The following BRD9 variants were observed in gnomAD, a reference collection of about 807,000 sequenced individuals.
BRD9 encodes bromodomain containing 9.
A neutral mutation model predicts 68.7 loss-of-function variants in BRD9; 47 were observed. The observed-to-expected ratio is 0.68, with a 90% CI of 0.54 to 0.87. The LOEUF is 0.87. Among genes scored for constraint, BRD9 ranks in the 40% least tolerant of loss-of-function variants. The probability of loss-of-function intolerance (pLI) is 0.00; values close to 1 mark genes in which losing one functional copy is unlikely to be tolerated. For missense variants in BRD9, 670 were observed against 748.4 expected, an observed-to-expected ratio of 0.90 and a Z score of 1.22; for synonymous variants, 313 against 293.9, an observed-to-expected ratio of 1.06 and a Z score of -0.67.
At chr5:865,606 C>A (rs778388859) in intron 14 of BRD9, 25 bp from the exon 15 acceptor site, 9 of 1,565,600 alleles carry the variant, frequency 5.7e-6, no homozygotes, top group Non-Finnish European at 7.8e-6. Flanking sequence ...CATGACCCCA[C>A]GTCGGCTGAG....
At chr5:892,409 G>C (rs1461517801) in intron 1 of BRD9, 197 bp downstream of exon 1, 6 of 1,262,824 alleles carry the variant, frequency 4.8e-6, no homozygotes, top group Non-Finnish European at 6.2e-6. Context: ...TACCAGGAAC[G>C]TAAGCGCCTA....
At chr5:890,065 G>T (rs1753131931) in intron 3 of BRD9, 3 of 341,682 alleles carry the variant, frequency 8.8e-6, no homozygotes, top group Non-Finnish European at 1.7e-5. Context: ...GCGTGGTGGT[G>T]CGTGCCTGTA....
intron 12 of BRD9, among the ~76,000 whole-genome samples, chr5:875,349 C>CTT (rs749144309): frequency 1.4e-4 from 19 of 140,080 alleles, no homozygotes; most frequent in Admixed American, 1.4e-4. Flanking sequence ...ACTTCAGACG[C>CTT]TTTTTTTTTT....
At position 889,061 on chromosome 5, in the gene BRD9, T is replaced by C. The variant is rs369656674; in HGVS notation, c.566A>G (p.Lys189Arg). The change falls in exon 5 of 16, where the codon AAA (lysine) becomes AGA (arginine). Residue 189 changes from lysine (K) to arginine (R), a missense_variant. Coordinates refer to ENST00000467963, the MANE Select transcript of BRD9 (RefSeq NM_023924.5). ...TGACTTGTATTCATTAGCTACAATT[T>C]TGTCTTTCATGGTGCCAAAATCCAT... Reference protein sequence around the residue: ...HPMDFGTMKDKIVANEYKSVT... With the variant: ...HPMDFGTMKDRIVANEYKSVT... The C allele has an allele frequency of 1.9e-6, 3 of 1,610,224 alleles. No individual in the cohort carries two copies. The highest frequency in any genetic ancestry group is 2.7e-5 in the African/African-American group (2 of 74,832).
chr5:886,372 G>A (rs1233175770), intron 7 of BRD9, among the ~76,000 whole-genome samples: 1 of 152,192 alleles, frequency 6.6e-6, no homozygotes, highest in Non-Finnish European at 1.5e-5. Context: ...GGGGTGATCG[G>A]ACGGGCTTGG....
At chr5:884,324 A>C (rs10072022) in intron 7 of BRD9, among the ~76,000 whole-genome samples, 11,418 of 152,300 alleles carry the variant, frequency 0.075, 610 homozygotes, top group African/African-American at 0.15. Flanking sequence ...ACGCAGTGCA[A>C]ACTCAGTTAA....
intron 5 of BRD9, chr5:888,388 T>A (rs901024707): frequency 6.6e-6 from 1 of 152,362 alleles, no homozygotes; most frequent in African/African-American, 2.4e-5. Flanking sequence ...TTCTGTTGTG[T>A]TTCTGTGAGT....
chr5:865,203 C>T (rs1005545355), intron 15 of BRD9, among the ~76,000 whole-genome samples: 2 of 152,254 alleles, frequency 1.3e-5, no homozygotes, highest in African/African-American at 2.4e-5. Flanking sequence ...TGTAACCCAG[C>T]GTGCGGCCAG....
rs527422337 is a variant in BRD9, at chr5:891,081, G to C, written c.400+74C>G. The stretch of plus-strand genomic sequence containing the variant: ...TCCCATGCTTCTCCCCAAAGCAACA[G>C]GACACGGTGCCGACCCCTCATTTAC... On this transcript the variant is annotated intron_variant, in intron 3 of 15. Transcript: ENST00000467963. 6 of 1,464,270 alleles carry C rather than the reference G, an allele frequency of 4.1e-6. No homozygotes were observed. In the African/African-American group the frequency reaches 8.5e-5, roughly 21 times the overall value. The allele number at this position is 1,464,270 out of a possible 1,614,324, so 90.7% of individuals were successfully genotyped here. A position where few individuals can be genotyped will look rare whatever the true frequency, so the allele number is the denominator to read the frequency against.
rs1752722287 is a variant in BRD9, at chr5:887,346, C to T, written c.717+15G>A. 1.3e-6 allele frequency: 2 copies of T among 1,596,208 alleles called. No homozygotes were observed. Among genetic ancestry groups the T allele is most frequent in the African/African-American group, 2.7e-5 (2 of 74,502 alleles). ...CCTGCTTTCCGTAGCTCGCTGCTGC[C>T]AGTGAGTTTCTTACTTTGCTCATCA... On this transcript the variant is annotated intron_variant, in intron 6 of 15. Transcript: ENST00000467963.
intron 11 of BRD9, among the ~76,000 whole-genome samples, chr5:876,593 G>A (rs533513046): frequency 6.6e-6 from 1 of 152,330 alleles, no homozygotes; most frequent in Non-Finnish European, 1.5e-5. Context: ...AGGAATGGGC[G>A]CGTGGGGCAG....
At chr5:881,085 C>A (rs771681651) in intron 9 of BRD9, 22 bp downstream of exon 9, 9 of 1,612,468 alleles carry the variant, frequency 5.6e-6, no homozygotes, top group Non-Finnish European at 7.6e-6. Context: ...GAGCATAAAG[C>A]CAGCCCTGAG....
intron 8 of BRD9, 71 bp downstream of exon 8, chr5:883,867 A>G: frequency 2.6e-6 from 4 of 1,568,408 alleles, no homozygotes; most frequent in Non-Finnish European, 3.4e-6. Flanking sequence ...CACAGCACCA[A>G]CCCAGAAGGA....
chr5:872,928 G>A (rs1369787479), intron 12 of BRD9, among the ~76,000 whole-genome samples: 4 of 152,182 alleles, frequency 2.6e-5, no homozygotes, highest in African/African-American at 9.7e-5. Context: ...ACTCTGGGAG[G>A]CTGAGATGGA....
At chr5:873,219 G>A (rs554930887) in intron 12 of BRD9, among the ~76,000 whole-genome samples, 23 of 152,160 alleles carry the variant, frequency 1.5e-4, no homozygotes, top group African/African-American at 5.3e-4. Context: ...GTATATCCCT[G>A]AGTTGTCTTT....
rs1175455637 is a variant in BRD9, at chr5:884,058, C to G, written c.846G>C (p.Glu282Asp). 6.2e-7 allele frequency: 1 copy of G among 1,613,500 alleles called. No individual in the cohort carries two copies. ...TCAAGCTGCAGGCATTCCCTTCAGGCTCAAACATGCAGCTGTGAGGTGGGG... is the reference window on the plus strand; with the variant it reads ...TCAAGCTGCAGGCATTCCCTTCAGGGTCAAACATGCAGCTGTGAGGTGGGG... Reference protein sequence around the residue: ...PSREVISCMFEPEGNACSLTD... With the variant: ...PSREVISCMFDPEGNACSLTD... The change falls in exon 8 of 16, where the codon GAG (glutamate) becomes GAC (aspartate). Residue 282 changes from glutamate to aspartate, a missense_variant. Glu to Asp is a conservative substitution (Grantham distance 45, BLOSUM62 2). Transcript: ENST00000467963.
In BRD9 at chr5:876,095, G is replaced by A; in HGVS notation, c.1383+6C>T. ...GCCCCCCAACCCCGGTGCGAGTGCA[G>A]CCCACCTGCTTCAGCTGGAAGAGCG... On this transcript the variant is annotated splice_donor_region_variant and intron_variant, in intron 12 of 15. Coordinates refer to ENST00000467963, the MANE Select transcript of BRD9 (RefSeq NM_023924.5). 6.2e-7 allele frequency: 1 copy of A among 1,602,028 alleles called. No homozygotes were observed.
chr5:870,409 G>A (rs1204659599), intron 14 of BRD9, 64 bp downstream of exon 14: 12 of 1,232,684 alleles, frequency 9.7e-6, no homozygotes, highest in African/African-American at 6.0e-5. Context: ...GGTGGAGGCC[G>A]TGTGTTTTCT....
chr5:886,334 G>C (rs1287870915), intron 7 of BRD9, among the ~76,000 whole-genome samples: 1 of 152,218 alleles, frequency 6.6e-6, no homozygotes, highest in African/African-American at 2.4e-5. Flanking sequence ...TAGAGACAGA[G>C]ACCACCAGTC....
Sources: allele counts gnomAD v4.1 joint callset (sites outside exome capture counted in the v4.1 genomes callset), GRCh38; gene constraint gnomAD v4.1.1; transcripts MANE v1.5; gene names NCBI Gene and HGNC (gene_info 2026-07-23, HGNC 2026-07-21).